UNC13C: variants seen among roughly 807,000 people sequenced by gnomAD.
The protein encoded by UNC13C is unc-13 homolog C, also known as protein unc-13 homolog C.
A neutral mutation model predicts 245.4 loss-of-function variants in UNC13C; 174 were observed. The observed-to-expected ratio is 0.71, with a 90% CI of 0.63 to 0.80. UNC13C has a LOEUF of 0.80. Among genes scored for constraint, UNC13C ranks in the 30% least tolerant of loss-of-function variants. The pLI is 0.00. For synonymous variants in UNC13C, 992 were observed against 895.1 expected, an observed-to-expected ratio of 1.11 and a Z score of -1.93; for missense variants, 2,829 against 2,602.9, an observed-to-expected ratio of 1.09 and a Z score of -1.89.
chr15:54,175,763 AGGGATTT>A (rs1167976816), intron 4 of UNC13C, among the ~76,000 whole-genome samples: 3 of 152,094 alleles, frequency 2.0e-5, no homozygotes, highest in African/African-American at 7.2e-5. Context: ...AAACTTTTAT[AGGGATTT>A]GGCATTGCTC....
At chr15:53,992,001 T>C (rs536181063) in intron 1 of UNC13C, among the ~76,000 whole-genome samples, 1 of 152,202 alleles carries the variant, frequency 6.6e-6, no homozygotes, top group East Asian at 1.9e-4. Flanking sequence ...TTCACTCTAG[T>C]ACATCTACTT....
intron 30 of UNC13C, among the ~76,000 whole-genome samples, chr15:54,577,353 G>A (rs1897999532): frequency 1.3e-5 from 2 of 152,114 alleles, no homozygotes; most frequent in African/African-American, 4.8e-5. Flanking sequence ...CTTAGTTTTA[G>A]GAGCATTTGT....
At position 54,546,706 on chromosome 15, in the gene UNC13C, T is replaced by C. The variant is rs1481753543; in HGVS notation, c.5697-16T>C. On this transcript the variant is annotated splice_polypyrimidine_tract_variant and intron_variant, in intron 26 of 32. Coordinates refer to ENST00000260323, the MANE Select transcript of UNC13C (RefSeq NM_001080534.3). ...TGAAATTTAAAAGTGAATATATATATATATTTTTTTTTCAGATTAAGTCTC... is the reference window on the plus strand; with the variant it reads ...TGAAATTTAAAAGTGAATATATATACATATTTTTTTTTCAGATTAAGTCTC... 2.1e-6 allele frequency: 3 copies of C among 1,433,994 alleles called. No individual in the cohort carries two copies. The highest frequency in any genetic ancestry group is 2.4e-4 in the Middle Eastern group (1 of 4,132). The allele number at this position is 1,433,994 out of a possible 1,614,324, so 88.8% of individuals were successfully genotyped here.
chr15:54,369,198 C>CG (rs1168537507), intron 17 of UNC13C, among the ~76,000 whole-genome samples: 1 of 149,614 alleles, frequency 6.7e-6, no homozygotes, highest in African/African-American at 2.5e-5. Context: ...ACCTCCCCCC[C>CG]CCAAAAAAAA....
At chr15:54,359,453 C>T (rs530019840) in intron 17 of UNC13C, among the ~76,000 whole-genome samples, 17 of 151,856 alleles carry the variant, frequency 1.1e-4, no homozygotes, top group Admixed American at 2.0e-4. Context: ...ATTTATTAGC[C>T]GTGAAGCCAT....
the UNC13C span, among the ~76,000 whole-genome samples, chr15:53,905,572 TA>T: frequency 1.3e-5 from 2 of 151,978 alleles, no homozygotes; most frequent in African/African-American, 4.8e-5. Context: ...TAAAAAAATA[TA>T]ACTCATAAAA....
intron 2 of UNC13C, among the ~76,000 whole-genome samples, chr15:54,037,361 C>T (rs1319917621): frequency 6.6e-6 from 1 of 152,054 alleles, no homozygotes; most frequent in Non-Finnish European, 1.5e-5. Context: ...TAGTTTAAAC[C>T]GTCTGTTCCC....
intron 4 of UNC13C, among the ~76,000 whole-genome samples, chr15:54,169,604 C>T (rs939601894): frequency 1.3e-5 from 2 of 152,126 alleles, no homozygotes; most frequent in African/African-American, 2.4e-5. Context: ...TTTCATGCCT[C>T]TCTTTCCTTC....
rs11284943 is a variant in UNC13C at position 54,249,235 on chromosome 15, GTT to G, written c.3229-980_3229-979del. 4.3e-3 allele frequency among the ~76,000 whole-genome samples: 634 copies of G among 148,544 alleles called. 6 individuals carry two copies. The highest frequency in any genetic ancestry group is 0.015 in the African/African-American group (592 of 40,824). ...CTGTGTTTATTGTTGTTGGTGGTTT[GTT>G]TTTTTTTTTACATCCAGCATCAATA... is the stretch of plus-strand genomic sequence containing the variant. On this transcript the variant is annotated intron_variant, in intron 7 of 32. Coordinates refer to ENST00000260323, the MANE Select transcript of UNC13C (RefSeq NM_001080534.3).
intron 4 of UNC13C, among the ~76,000 whole-genome samples, chr15:54,174,371 A>G (rs749805794): frequency 6.6e-6 from 1 of 152,198 alleles, no homozygotes; most frequent in South Asian, 2.1e-4. Context: ...TTCTTCCAGT[A>G]GTGAGCTGGC....
the UNC13C span, among the ~76,000 whole-genome samples, chr15:53,851,686 A>G: frequency 6.6e-6 from 1 of 152,184 alleles, no homozygotes; most frequent in Non-Finnish European, 1.5e-5. Flanking sequence ...AAGAGTCTGA[A>G]CAGCAAGCCC....
Position 54,219,423 on chromosome 15 carries a change from T to C in UNC13C, c.3072-15607T>C, listed in dbSNP as rs887639770. Among the ~76,000 whole-genome samples the C allele has an allele frequency of 6.1e-4, 93 of 152,178 alleles. 1 individual carries two copies. Among genetic ancestry groups the C allele is most frequent in the African/African-American group, 2.1e-3 (89 of 41,520 alleles). ...GTAGAAAGCTGAAACTGGATCCCTT[T>C]CTTACACCTTCTACAAAAATTAATT... On this transcript the variant is annotated intron_variant, in intron 4 of 32. Transcript: ENST00000260323.
At chr15:53,852,545 T>G in the UNC13C span, among the ~76,000 whole-genome samples, 686 of 152,308 alleles carry the variant, frequency 4.5e-3, 4 homozygotes, top group African/African-American at 0.016. Flanking sequence ...CTGCATATTC[T>G]ATATCTGTGG....
Position 54,280,046 on chromosome 15 carries a change from A to G in UNC13C, c.3819-13849A>G, listed in dbSNP as rs1456350117. Among the ~76,000 whole-genome samples the G allele has an allele frequency of 2.6e-5, 4 of 152,180 alleles. No homozygotes were observed. In the East Asian group the frequency reaches 7.7e-4, roughly 29 times the overall value. ...GATAACATTTTAGTAATGTGTGTGT[A>G]TACAGATATGCATATAATATGCACA... On this transcript the variant is annotated intron_variant, in intron 10 of 32. Coordinates refer to ENST00000260323, the MANE Select transcript of UNC13C (RefSeq NM_001080534.3).
At chr15:54,283,826 T>C (rs1567159253) in intron 10 of UNC13C, among the ~76,000 whole-genome samples, 1 of 152,150 alleles carries the variant, frequency 6.6e-6, no homozygotes, top group Non-Finnish European at 1.5e-5. Flanking sequence ...TGAGCAACTT[T>C]CCCGAAGTCG....
chr15:54,526,577 A>G (rs1489394272), intron 25 of UNC13C, among the ~76,000 whole-genome samples: 1 of 139,108 alleles, frequency 7.2e-6, no homozygotes, highest in African/African-American at 3.4e-5. Flanking sequence ...TAAAAGTATA[A>G]AACAAACAAA....
chr15:54,560,121 A>C (rs117268190), intron 29 of UNC13C, among the ~76,000 whole-genome samples: 7,902 of 152,130 alleles, frequency 0.052, 348 homozygotes, highest in Admixed American at 0.13. Flanking sequence ...GGTTATGATT[A>C]TATCTAAGTC....
At chr15:54,292,043 T>C (rs1354215738) in intron 10 of UNC13C, among the ~76,000 whole-genome samples, 5 of 152,010 alleles carry the variant, frequency 3.3e-5, no homozygotes, top group East Asian at 1.9e-4. Context: ...AATACTACAG[T>C]TCAAATATTA....
At chr15:54,466,105 C>A (rs985647497) in intron 19 of UNC13C, among the ~76,000 whole-genome samples, 3 of 151,892 alleles carry the variant, frequency 2.0e-5, no homozygotes, top group Non-Finnish European at 4.4e-5. Flanking sequence ...TCAAATTTTG[C>A]ATGTTCTCAC....
Sources: gnomAD v4.1 joint callset for allele counts (sites outside exome capture counted in the v4.1 genomes callset) on GRCh38, gnomAD v4.1.1 for gene constraint, MANE v1.5 for transcripts, NCBI Gene and HGNC (gene_info 2026-07-23, HGNC 2026-07-21) for gene names.